Variants in MMP20 observed in about 807,000 individuals in gnomAD.
MMP20 encodes matrix metallopeptidase 20, also known as matrix metalloproteinase-20.
Under a neutral mutation model 51.8 loss-of-function variants are expected in MMP20, and 50 were observed. That is an observed-to-expected ratio of 0.97 (90% CI 0.77 to 1.22). The LOEUF (loss-of-function observed/expected upper bound fraction) is 1.22, where lower values mean the gene tolerates loss of function less well. Ranked by LOEUF, MMP20 falls within the 50% of genes most tolerant of loss-of-function variation. The probability of loss-of-function intolerance (pLI) is 0.00; values close to 1 mark genes in which losing one functional copy is unlikely to be tolerated. For missense variants in MMP20, 663 were observed against 601.4 expected (o/e 1.10, Z -1.07); for synonymous variants, 244 against 216.2 (o/e 1.13, Z -1.13).
At chr11:102,618,803 A>G (rs1859708827) in intron 1 of MMP20, among the ~76,000 whole-genome samples, 1 of 152,202 alleles carries the variant, frequency 6.6e-6, no homozygotes, top group Admixed American at 6.5e-5. Context: ...ATATTCCAAA[A>G]GTTTTTACAA....
chr11:102,608,800 C>G, intron 5 of MMP20, 137 bp downstream of exon 5: 1 of 936,424 alleles, frequency 1.1e-6, no homozygotes, highest in Non-Finnish European at 1.7e-6. Context: ...CAAATCAGCT[C>G]TTCACAAGAA....
At chr11:102,593,320 G>T in intron 8 of MMP20, 119 bp downstream of exon 8, 2 of 979,434 alleles carry the variant, frequency 2.0e-6, no homozygotes, top group Admixed American at 2.3e-5. Context: ...CCCAGTGGCC[G>T]AGAAGAGTCA....
intron 1 of MMP20, among the ~76,000 whole-genome samples, chr11:102,622,359 A>C (rs971735593): frequency 4.6e-5 from 7 of 152,078 alleles, no homozygotes; most frequent in Admixed American, 3.9e-4. Context: ...TGCTGGCCTC[A>C]CCTGTCCTTG....
At chr11:102,590,699 G>A (rs1484647268) in intron 8 of MMP20, among the ~76,000 whole-genome samples, 1 of 152,218 alleles carries the variant, frequency 6.6e-6, no homozygotes, top group African/African-American at 2.4e-5. Flanking sequence ...TTCAGTGGAT[G>A]TCAATGTAGT....
At chr11:102,582,086 C>G (rs964727635) in intron 8 of MMP20, among the ~76,000 whole-genome samples, 11 of 152,108 alleles carry the variant, frequency 7.2e-5, no homozygotes, top group African/African-American at 2.7e-4. Flanking sequence ...AAATCATTGC[C>G]TGCAACAGAT....
At chr11:102,586,677 C>T (rs1024179337) in intron 8 of MMP20, among the ~76,000 whole-genome samples, 1 of 151,990 alleles carries the variant, frequency 6.6e-6, no homozygotes, top group African/African-American at 2.4e-5. Context: ...ATTAGCTGGG[C>T]ATGGTGGCGG....
At chr11:102,621,677 G>A (rs1311821707) in intron 1 of MMP20, among the ~76,000 whole-genome samples, 2 of 152,150 alleles carry the variant, frequency 1.3e-5, no homozygotes, top group African/African-American at 4.8e-5. Context: ...TCATATGGAA[G>A]TAATCTATTT....
chr11:102,591,020 T>A (rs554244492), intron 8 of MMP20, among the ~76,000 whole-genome samples: 2 of 152,368 alleles, frequency 1.3e-5, no homozygotes, highest in South Asian at 4.1e-4. Flanking sequence ...AACCCTCATG[T>A]GTTTAAGCCA....
chr11:102,580,131 C>A (rs964208901), intron 8 of MMP20, among the ~76,000 whole-genome samples: 16 of 152,294 alleles, frequency 1.1e-4, no homozygotes, highest in African/African-American at 3.1e-4. Context: ...GAATAGTAGA[C>A]CTGATTTCTT....
At chr11:102,603,190 A>G (rs1859470474) in intron 6 of MMP20, among the ~76,000 whole-genome samples, 1 of 152,202 alleles carries the variant, frequency 6.6e-6, no homozygotes, top group Non-Finnish European at 1.5e-5. Flanking sequence ...TCAACAGATC[A>G]TTGTTGGTGA....
intron 2 of MMP20, among the ~76,000 whole-genome samples, chr11:102,612,633 CTAA>C (rs1859616856): frequency 6.6e-6 from 1 of 151,332 alleles, no homozygotes; most frequent in Non-Finnish European, 1.5e-5. Flanking sequence ...TGAAGTTTTG[CTAA>C]TTCTTATTCA....
rs75604027 is a variant in MMP20 at position 102,611,161 on chromosome 11, G to A, written c.523+594C>T. ...GACATCAGATTAAAATTAAGATCTG[G>A]GCTTGAAATGACAAGGACACTAGAA... On this transcript the variant is annotated intron_variant, in intron 3 of 9. Coordinates refer to ENST00000260228, the MANE Select transcript of MMP20 (RefSeq NM_004771.4). 6.7e-3 allele frequency among the ~76,000 whole-genome samples: 1,023 copies of A among 152,248 alleles called. 15 individuals carry two copies. Among genetic ancestry groups the A allele is most frequent in the African/African-American group, 0.023 (973 of 41,512 alleles).
At chr11:102,616,511 A>G (rs1859672601) in intron 2 of MMP20, among the ~76,000 whole-genome samples, 2 of 152,156 alleles carry the variant, frequency 1.3e-5, no homozygotes, top group African/African-American at 4.8e-5. Context: ...TTTTAAGAAA[A>G]CTGGTTTGTA....
intron 3 of MMP20, among the ~76,000 whole-genome samples, chr11:102,611,326 GA>G (rs1467339313): frequency 1.3e-5 from 2 of 152,202 alleles, no homozygotes; most frequent in Non-Finnish European, 2.9e-5. Flanking sequence ...GCTGCAGGGG[GA>G]AAGCTGCTTC....
intron 6 of MMP20, among the ~76,000 whole-genome samples, chr11:102,601,760 A>C (rs917345775): frequency 6.6e-6 from 1 of 152,180 alleles, no homozygotes; most frequent in African/African-American, 2.4e-5. Flanking sequence ...CTAAGTGAAC[A>C]ATGCTGTATA....
chr11:102,603,046 G>T (rs556305755), intron 6 of MMP20, among the ~76,000 whole-genome samples: 1 of 152,190 alleles, frequency 6.6e-6, no homozygotes. Flanking sequence ...TCTTCACACA[G>T]AACATTTGAA....
At chr11:102,614,634 C>G (rs974550276) in intron 2 of MMP20, among the ~76,000 whole-genome samples, 1 of 152,054 alleles carries the variant, frequency 6.6e-6, no homozygotes, top group African/African-American at 2.4e-5. Flanking sequence ...TTTTTCTCCC[C>G]CAATTGCTTT....
chr11:102,625,241 C>A lies in MMP20; in HGVS notation c.79G>T (p.Val27Phe), dbSNP rs1443420173. 3 of 1,613,868 alleles carry A rather than the reference C, an allele frequency of 1.9e-6. No individual in the cohort carries two copies. Among genetic ancestry groups the A allele is most frequent in the Non-Finnish European group, 2.5e-6 (3 of 1,179,912 alleles). Residue 27 changes from valine (V) to phenylalanine (F), a missense_variant, in exon 1 of 10, where the codon GTT becomes TTT. By Grantham distance (50) the Val-to-Phe change is conservative. Coordinates refer to ENST00000260228, the MANE Select transcript of MMP20 (RefSeq NM_004771.4). ...LKFSTAAPSL[V>F]AASPRTWRNN... ...CTCCAGGTCCTGGGGGAGGCTGCAA[C>A]TAGGGAGGGGGCTGCAGTGGAAAAC...
intron 6 of MMP20, among the ~76,000 whole-genome samples, chr11:102,600,724 T>C (rs1859435285): frequency 6.6e-6 from 1 of 152,100 alleles, no homozygotes; most frequent in African/African-American, 2.4e-5. Flanking sequence ...TGACCTCCAG[T>C]GATCCACTCG....
Sources: gnomAD v4.1 joint callset for allele counts (sites outside exome capture counted in the v4.1 genomes callset) on GRCh38, gnomAD v4.1.1 for gene constraint, MANE v1.5 for transcripts, NCBI Gene and HGNC (gene_info 2026-07-23, HGNC 2026-07-21) for gene names.